PPP1R36: variants seen among roughly 807,000 people sequenced by gnomAD.
PPP1R36 encodes the protein protein phosphatase 1 regulatory subunit 36, also known as chromosome 14 open reading frame 50.
PPP1R36 carries 47 observed loss-of-function variants against 53.4 expected under a neutral mutation model. The ratio of observed to expected loss-of-function variants is 0.88; its 90% CI spans 0.70 to 1.12. PPP1R36 has a LOEUF of 1.12. Ranked by LOEUF, PPP1R36 falls within the 50% of genes most tolerant of loss-of-function variation. The pLI is 0.00. For missense variants in PPP1R36, 456 were observed against 513.9 expected, an observed-to-expected ratio of 0.89 and a Z score of 1.09; for synonymous variants, 153 against 170.5, an observed-to-expected ratio of 0.90 and a Z score of 0.80.
At chr14:64,562,928 A>T (rs984348028) in intron 3 of PPP1R36, among the ~76,000 whole-genome samples, 5 of 152,056 alleles carry the variant, frequency 3.3e-5, no homozygotes, top group Admixed American at 2.6e-4. Flanking sequence ...GTGAAATGGC[A>T]TGATCTCGGC....
At chr14:64,578,371 C>T (rs551570318) in intron 8 of PPP1R36, among the ~76,000 whole-genome samples, 1 of 152,302 alleles carries the variant, frequency 6.6e-6, no homozygotes, top group African/African-American at 2.4e-5. Flanking sequence ...GAGTACAACA[C>T]ATTAATGGAT....
At chr14:64,584,918 T>C (rs1006535706) in intron 8 of PPP1R36, among the ~76,000 whole-genome samples, 1 of 152,240 alleles carries the variant, frequency 6.6e-6, no homozygotes, top group African/African-American at 2.4e-5. Context: ...ACTTAGTCCA[T>C]GTTCACTCTA....
intron 3 of PPP1R36, among the ~76,000 whole-genome samples, chr14:64,557,309 A>T (rs1049334304): frequency 6.6e-6 from 1 of 152,142 alleles, no homozygotes; most frequent in Non-Finnish European, 1.5e-5. Context: ...GCATCATATC[A>T]TCTGTAAATA....
intron 8 of PPP1R36, among the ~76,000 whole-genome samples, chr14:64,575,702 C>G (rs12889211): frequency 0.98 from 149,075 of 151,646 alleles, 73,294 homozygotes; most frequent in East Asian, 1. Flanking sequence ...CCAGGCTGGA[C>G]TGCAGTGGCA....
intron 3 of PPP1R36, among the ~76,000 whole-genome samples, chr14:64,553,800 C>A (rs982139631): frequency 1.4e-5 from 2 of 144,538 alleles, no homozygotes; most frequent in Admixed American, 7.0e-5. Flanking sequence ...GATTTATGCA[C>A]CTTACTACGT....
At chr14:64,587,161 A>G (rs1299901457) in intron 9 of PPP1R36, 33 bp from the exon 10 acceptor site, 2 of 1,539,238 alleles carry the variant, frequency 1.3e-6, no homozygotes, top group Non-Finnish European at 1.8e-6. Context: ...TTCACAGCTA[A>G]GGATCGTGAT....
intron 8 of PPP1R36, among the ~76,000 whole-genome samples, chr14:64,577,221 G>A (rs1444994711): frequency 6.6e-6 from 1 of 152,088 alleles, no homozygotes; most frequent in East Asian, 1.9e-4. Context: ...AATGCATACG[G>A]GCTCTATGTC....
intron 7 of PPP1R36, among the ~76,000 whole-genome samples, chr14:64,569,563 A>T (rs2080287249): frequency 6.6e-6 from 1 of 152,198 alleles, no homozygotes; most frequent in South Asian, 2.1e-4. Flanking sequence ...CTATGGTAGC[A>T]AGCAAAAGGG....
intron 1 of PPP1R36, 30 bp downstream of exon 1, chr14:64,550,096 C>G: frequency 6.5e-7 from 1 of 1,547,216 alleles, no homozygotes; most frequent in South Asian, 1.2e-5. Context: ...CCCCCATACC[C>G]GGGCTGGGCG....
chr14:64,573,997 G>A (rs923839828), intron 7 of PPP1R36, among the ~76,000 whole-genome samples: 3 of 149,230 alleles, frequency 2.0e-5, no homozygotes, highest in African/African-American at 2.5e-5. Context: ...AAATATGAAG[G>A]GACTTTAAGG....
In PPP1R36 at chr14:64,561,622, C is replaced by T. The variant is rs72724427; in HGVS notation, c.183-3129C>T. Among the ~76,000 whole-genome samples, 661 of 152,260 alleles carry T rather than the reference C, an allele frequency of 4.3e-3. 5 individuals are homozygous for T. The highest frequency in any genetic ancestry group is 9.5e-3 in the Admixed American group (146 of 15,294). On this transcript the variant is annotated intron_variant, in intron 3 of 11. Transcript: ENST00000298705. The stretch of plus-strand genomic sequence containing the variant: ...TCTATAAAATGAAATAATAATGCCT[C>T]GTGAGAAGTAAATGAGGGTGCTGGT...
chr14:64,558,704 C>T (rs1037948556), intron 3 of PPP1R36, among the ~76,000 whole-genome samples: 11 of 150,476 alleles, frequency 7.3e-5, no homozygotes, highest in African/African-American at 2.2e-4. Flanking sequence ...GGTGTAATCT[C>T]GGCTCACTGC....
At chr14:64,557,208 T>G (rs1315716158) in intron 3 of PPP1R36, among the ~76,000 whole-genome samples, 1 of 152,206 alleles carries the variant, frequency 6.6e-6, no homozygotes, top group Non-Finnish European at 1.5e-5. Context: ...CAACAAACCC[T>G]TAACAGCATC....
intron 8 of PPP1R36, 36 bp from the exon 9 acceptor site, chr14:64,586,801 C>T (rs759682435): frequency 8.1e-6 from 12 of 1,490,010 alleles, no homozygotes; most frequent in Admixed American, 1.7e-5. Context: ...ATTGAACTTC[C>T]CTCTCAACCT....
chr14:64,587,374 T>A lies in PPP1R36; in HGVS notation c.890+2T>A. 1 of 1,589,330 alleles carries A rather than the reference T, an allele frequency of 6.3e-7. No individual in the cohort carries two copies. Among genetic ancestry groups the A allele is most frequent in the Non-Finnish European group, 8.6e-7 (1 of 1,167,044 alleles). On this transcript the variant is annotated splice_donor_variant, in intron 10 of 11. Coordinates refer to ENST00000298705, the MANE Select transcript of PPP1R36 (RefSeq NM_172365.3). LOFTEE classifies it high-confidence loss of function. ...ACGCATGACTTTTGTTCAGTTCAGG[T>A]ATGACCTTTTGACTTTCCTATGCTC...
intron 3 of PPP1R36, among the ~76,000 whole-genome samples, chr14:64,555,566 A>T (rs1234839027): frequency 6.6e-6 from 1 of 152,190 alleles, no homozygotes; most frequent in East Asian, 1.9e-4. Flanking sequence ...TAGGAAAAGG[A>T]TTAAAAACAT....
intron 7 of PPP1R36, 64 bp from the exon 8 acceptor site, chr14:64,574,390 TG>T: frequency 6.8e-7 from 1 of 1,477,550 alleles, no homozygotes; most frequent in Non-Finnish European, 9.2e-7. Context: ...TCTGACTTTT[TG>T]CTAGTTAATA....
chr14:64,583,445 G>A (rs142783135), intron 8 of PPP1R36, among the ~76,000 whole-genome samples: 2 of 152,162 alleles, frequency 1.3e-5, no homozygotes, highest in African/African-American at 2.4e-5. Context: ...AAATCAGAAT[G>A]GCAAGAAGAA....
At chr14:64,565,764 G>T in intron 6 of PPP1R36, 72 bp downstream of exon 6, 1 of 1,164,282 alleles carries the variant, frequency 8.6e-7, no homozygotes, top group South Asian at 1.3e-5. Flanking sequence ...GATAAGTGAT[G>T]ACAAATCTGA....
Sources: allele counts gnomAD v4.1 joint callset (sites outside exome capture counted in the v4.1 genomes callset), GRCh38; gene constraint gnomAD v4.1.1; transcripts MANE v1.5; gene names NCBI Gene and HGNC (gene_info 2026-07-23, HGNC 2026-07-21).